Variants in NMNAT3 observed in about 807,000 individuals in gnomAD.
NMNAT3 encodes the protein nicotinamide/nicotinic acid mononucleotide adenylyltransferase 3.
In NMNAT3, 21 loss-of-function variants were observed where a neutral mutation model predicts 24.8. The observed-to-expected ratio is 0.85, with a 90% confidence interval of 0.60 to 1.22. The LOEUF (loss-of-function observed/expected upper bound fraction) is 1.22, where lower values mean the gene tolerates loss of function less well. Ranked by LOEUF, NMNAT3 falls within the 50% of genes most tolerant of loss-of-function variation. The pLI is 0.00. For synonymous variants in NMNAT3, 136 were observed against 155.2 expected, an observed-to-expected ratio of 0.88 and a Z score of 0.92; for missense variants, 387 against 436.6, an observed-to-expected ratio of 0.89 and a Z score of 1.01.
At chr3:139,612,966 C>T (rs2055300864) in intron 3 of NMNAT3, among the ~76,000 whole-genome samples, 1 of 152,132 alleles carries the variant, frequency 6.6e-6, no homozygotes, top group South Asian at 2.1e-4. Context: ...TTCCTTACAC[C>T]TTATACAAAA....
At chr3:139,589,428 T>G (rs988297402) in intron 3 of NMNAT3, among the ~76,000 whole-genome samples, 2 of 152,156 alleles carry the variant, frequency 1.3e-5, no homozygotes, top group Non-Finnish European at 2.9e-5. Flanking sequence ...GTCCTGAAAG[T>G]TTCAAAAGAG....
intron 3 of NMNAT3, among the ~76,000 whole-genome samples, chr3:139,604,714 T>C (rs1190243710): frequency 6.6e-6 from 1 of 152,216 alleles, no homozygotes; most frequent in Non-Finnish European, 1.5e-5. Context: ...ACAGATGCAG[T>C]GTGTGTACAT....
intron 1 of NMNAT3, among the ~76,000 whole-genome samples, chr3:139,674,415 C>T (rs116670789): frequency 2.0e-5 from 3 of 152,026 alleles, no homozygotes; most frequent in East Asian, 1.9e-4. Context: ...AGGCCTGCCC[C>T]GCAAAATGGG....
At chr3:139,629,023 G>A (rs559844918) in intron 2 of NMNAT3, among the ~76,000 whole-genome samples, 3 of 152,284 alleles carry the variant, frequency 2.0e-5, no homozygotes, top group Admixed American at 1.3e-4. Flanking sequence ...GGCTCCCAAT[G>A]ATCCTTTTAG....
chr3:139,623,139 T>G (rs2055879564), intron 3 of NMNAT3, among the ~76,000 whole-genome samples: 1 of 152,110 alleles, frequency 6.6e-6, no homozygotes, highest in Non-Finnish European at 1.5e-5. Flanking sequence ...TATACTTAGC[T>G]TAAAACACAA....
chr3:139,615,466 TCCACCCACCC>T (rs1553751081), intron 3 of NMNAT3, among the ~76,000 whole-genome samples: 4 of 149,626 alleles, frequency 2.7e-5, no homozygotes, highest in Admixed American at 1.3e-4. Flanking sequence ...TATCTATCCA[TCCACCCACCC>T]ATCCATCCAT....
chr3:139,601,986 C>T (rs1447399433), intron 3 of NMNAT3, among the ~76,000 whole-genome samples: 1 of 152,158 alleles, frequency 6.6e-6, no homozygotes, highest in Non-Finnish European at 1.5e-5. Context: ...CTCGATGATG[C>T]CTTGATTCTG....
At chr3:139,641,207 C>A (rs1160917175) in intron 1 of NMNAT3, among the ~76,000 whole-genome samples, 1 of 152,202 alleles carries the variant, frequency 6.6e-6, no homozygotes, top group African/African-American at 2.4e-5. Context: ...TATACACAAA[C>A]CTCCAGCTAA....
chr3:139,580,198 T>C (rs1939971163), intron 4 of NMNAT3, among the ~76,000 whole-genome samples: 1 of 148,918 alleles, frequency 6.7e-6, no homozygotes, highest in African/African-American at 2.6e-5. Flanking sequence ...TGAGACAGAG[T>C]CTTGCTCTGT....
chr3:139,568,977 A>G (rs1279127600), intron 6 of NMNAT3: 7 of 152,178 alleles, frequency 4.6e-5, no homozygotes, highest in Non-Finnish European at 5.9e-5. Context: ...GTGGGAGTCT[A>G]AGTCTCTTTG....
At chr3:139,572,019 T>G in intron 6 of NMNAT3, 2 of 397,834 alleles carry the variant, frequency 5.0e-6, no homozygotes, top group Non-Finnish European at 8.9e-6. Context: ...CAGAAATGTC[T>G]CCAACCTCAA....
chr3:139,642,168 T>C (rs2056727385), intron 1 of NMNAT3, among the ~76,000 whole-genome samples: 1 of 152,194 alleles, frequency 6.6e-6, no homozygotes, highest in Non-Finnish European at 1.5e-5. Context: ...TAGAGAACTA[T>C]ATTAACCTTG....
intron 1 of NMNAT3, among the ~76,000 whole-genome samples, chr3:139,664,888 T>G (rs993162027): frequency 2.0e-5 from 3 of 152,160 alleles, no homozygotes; most frequent in African/African-American, 7.2e-5. Flanking sequence ...AATAAGAGTC[T>G]GAGATTTAAG....
intron 3 of NMNAT3, among the ~76,000 whole-genome samples, chr3:139,612,415 A>G (rs2055267981): frequency 6.6e-6 from 1 of 152,184 alleles, no homozygotes; most frequent in South Asian, 2.1e-4. Context: ...GCATTTGACA[A>G]GGTGTCACAA....
intron 3 of NMNAT3, among the ~76,000 whole-genome samples, chr3:139,626,466 T>C (rs1576680016): frequency 6.6e-6 from 1 of 152,146 alleles, no homozygotes; most frequent in South Asian, 2.1e-4. Context: ...TCCTTTTATA[T>C]TGTCCATATC....
chr3:139,670,587 A>G (rs563338882), intron 1 of NMNAT3, among the ~76,000 whole-genome samples: 1 of 152,366 alleles, frequency 6.6e-6, no homozygotes, highest in South Asian at 2.1e-4. Context: ...AGTTTAATGC[A>G]CTAGGCTTTG....
chr3:139,618,537 T>A (rs1206577164), intron 3 of NMNAT3, among the ~76,000 whole-genome samples: 1 of 152,334 alleles, frequency 6.6e-6, no homozygotes, highest in East Asian at 1.9e-4. Context: ...GAAGATACTA[T>A]TAATTTCTAT....
intron 3 of NMNAT3, among the ~76,000 whole-genome samples, chr3:139,593,611 C>G (rs2054305658): frequency 6.6e-6 from 1 of 151,864 alleles, no homozygotes; most frequent in Non-Finnish European, 1.5e-5. Context: ...AACAAACTAT[C>G]TCTCAGACCA....
chr3:139,622,997 A>T (rs2055873685), intron 3 of NMNAT3, among the ~76,000 whole-genome samples: 1 of 150,824 alleles, frequency 6.6e-6, no homozygotes, highest in Admixed American at 6.6e-5. Flanking sequence ...CTTTATAAAC[A>T]CTGTTTATTT....
Sources: allele counts gnomAD v4.1 joint callset (sites outside exome capture counted in the v4.1 genomes callset), GRCh38; gene constraint gnomAD v4.1.1; transcripts MANE v1.5; gene names NCBI Gene and HGNC (gene_info 2026-07-23, HGNC 2026-07-21).